TAGLN3: variants seen among roughly 807,000 people sequenced by gnomAD.
The protein encoded by TAGLN3 is transgelin-3.
A neutral mutation model predicts 25.4 loss-of-function variants in TAGLN3; 12 were observed. The ratio of observed to expected loss-of-function variants is 0.47; its 90% confidence interval spans 0.30 to 0.77. The LOEUF (loss-of-function observed/expected upper bound fraction) is 0.77, where lower values mean the gene tolerates loss of function less well. Ranked by LOEUF, TAGLN3 falls within the 30% of genes least tolerant of loss-of-function variation. The pLI, the probability that TAGLN3 is intolerant of heterozygous loss-of-function variation, is 0.06. For synonymous variants in TAGLN3, 96 were observed against 94.8 expected, an observed-to-expected ratio of 1.01 and a Z score of -0.08; for missense variants, 218 against 255.8, an observed-to-expected ratio of 0.85 and a Z score of 1.01.
Position 112,011,792 on chromosome 3 carries a change from C to A in TAGLN3, c.385C>A (p.Leu129Met), listed in dbSNP as rs747509782. Residue 129 changes from leucine (L) to methionine (M), a missense_variant, in exon 4 of 5, where the codon CTG (leucine) becomes ATG (methionine). Transcript: ENST00000478951. Reference protein sequence around the residue: ...GKDMAAVQRTLMALGSVAVTK... With the variant: ...GKDMAAVQRTMMALGSVAVTK... ...GGACATGGCAGCTGTGCAGAGGACC[C>A]TGATGGCTTTAGGCAGCGTTGCAGT... 1.2e-6 allele frequency: 2 copies of A among 1,613,656 alleles called. No individual in the cohort carries two copies. Among genetic ancestry groups the A allele is most frequent in the Non-Finnish European group, 1.7e-6 (2 of 1,179,748 alleles).
rs570331207 is a variant in TAGLN3 at position 112,003,806 on chromosome 3, C to T, written c.355+2860C>T. 1.7e-3 allele frequency among the ~76,000 whole-genome samples: 258 copies of T among 152,252 alleles called. 1 individual carries two copies. Among genetic ancestry groups the T allele is most frequent in the Non-Finnish European group, 1.5e-3 (101 of 68,020 alleles). ...ATCTCCCCTACTCAGTGTCTTCTCC[C>T]AAGTAGGGCTCTGCTTGCCCACAGC... On this transcript the variant is annotated intron_variant, in intron 3 of 4. Transcript: ENST00000478951.
chr3:112,000,628 C>A, intron 2 of TAGLN3, 144 bp from the exon 3 acceptor site: 2 of 823,760 alleles, frequency 2.4e-6, no homozygotes, highest in Admixed American at 2.2e-5. Flanking sequence ...CTACACAGCC[C>A]AGAGCCCGTG....
chr3:112,001,997 G>C (rs1435157441), intron 3 of TAGLN3, among the ~76,000 whole-genome samples: 1 of 152,200 alleles, frequency 6.6e-6, no homozygotes, highest in African/African-American at 2.4e-5. Context: ...GGCATTGCAT[G>C]TTTCCCTCAT....
At chr3:112,001,118 G>T (rs1186567410) in intron 3 of TAGLN3, among the ~76,000 whole-genome samples, 172 bp downstream of exon 3, 1 of 152,186 alleles carries the variant, frequency 6.6e-6, no homozygotes, top group Non-Finnish European at 1.5e-5. Flanking sequence ...TCTATTAAAA[G>T]GAGGTACCCT....
At chr3:112,007,129 T>G (rs953483214) in intron 3 of TAGLN3, among the ~76,000 whole-genome samples, 42 of 152,162 alleles carry the variant, frequency 2.8e-4, no homozygotes, top group African/African-American at 1.0e-3. Context: ...ACAGCAAAAT[T>G]GAGAGGAAGG....
chr3:112,002,545 A>C (rs750351494), intron 3 of TAGLN3, among the ~76,000 whole-genome samples: 7 of 152,030 alleles, frequency 4.6e-5, no homozygotes, highest in Non-Finnish European at 8.8e-5. Flanking sequence ...GAGGATGAAG[A>C]GGAGGTGGGG....
chr3:112,000,599 G>T, intron 2 of TAGLN3, 173 bp from the exon 3 acceptor site: 2 of 609,574 alleles, frequency 3.3e-6, no homozygotes, highest in South Asian at 2.7e-5. Context: ...GGTCTTTGGG[G>T]CTTAGTATAG....
chr3:112,009,775 T>C (rs2072955776), intron 3 of TAGLN3, among the ~76,000 whole-genome samples: 1 of 152,094 alleles, frequency 6.6e-6, no homozygotes, highest in African/African-American at 2.4e-5. Context: ...AAAATTCCAA[T>C]TTCTTCCTGT....
At chr3:112,006,480 T>A (rs1021376414) in intron 3 of TAGLN3, among the ~76,000 whole-genome samples, 1 of 152,210 alleles carries the variant, frequency 6.6e-6, no homozygotes, top group Non-Finnish European at 1.5e-5. Context: ...AGGCCAAAGT[T>A]ATTATTCAGG....
chr3:112,000,126 C>G (rs1488311120), intron 2 of TAGLN3, among the ~76,000 whole-genome samples: 1 of 152,106 alleles, frequency 6.6e-6, no homozygotes, highest in African/African-American at 2.4e-5. Flanking sequence ...ACCAAATGCT[C>G]GTGTGTGTTT....
At chr3:112,006,511 A>C (rs1267126163) in intron 3 of TAGLN3, among the ~76,000 whole-genome samples, 1 of 152,236 alleles carries the variant, frequency 6.6e-6, no homozygotes, top group Non-Finnish European at 1.5e-5. Context: ...ATGGTTTCAT[A>C]CACTACTGCT....
intron 3 of TAGLN3, among the ~76,000 whole-genome samples, chr3:112,006,428 G>A (rs900031686): frequency 6.6e-6 from 1 of 152,162 alleles, no homozygotes; most frequent in Non-Finnish European, 1.5e-5. Flanking sequence ...TCCCTTGACT[G>A]TTGCAATATT....
In TAGLN3 at chr3:112,013,656, C is replaced by T. The variant is rs754421951; in HGVS notation, c.*105C>T. The T allele has an allele frequency of 2.0e-6, 3 of 1,532,148 alleles. No individual in the cohort carries two copies. The highest frequency in any genetic ancestry group is 2.4e-5 in the South Asian group (2 of 84,350). 94.9% of individuals were successfully genotyped at this position (1,532,148 alleles called of 1,614,324 possible). A position where few individuals can be genotyped will look rare whatever the true frequency, so the allele number is the denominator to read the frequency against. ...TCTGACCTTCTCCTCTTTCTCAAAG[C>T]CTTCTGTCCCTGGTTTTTGCAAGTG... On this transcript the variant is annotated 3_prime_UTR_variant, in exon 5 of 5. Transcript: ENST00000478951.
intron 1 of TAGLN3, 22 bp from the exon 2 acceptor site, chr3:111,999,399 G>A (rs775834731): frequency 2.3e-5 from 37 of 1,610,106 alleles, no homozygotes; most frequent in Non-Finnish European, 4.2e-6. Context: ...TGGATGCCGC[G>A]CGTGTCTTCT....
At chr3:112,006,204 A>G (rs1361842000) in intron 3 of TAGLN3, among the ~76,000 whole-genome samples, 2 of 152,162 alleles carry the variant, frequency 1.3e-5, no homozygotes, top group Non-Finnish European at 2.9e-5. Flanking sequence ...GTTAAAGCAC[A>G]GACTGCTAAG....
At chr3:112,007,998 T>G (rs1392956539) in intron 3 of TAGLN3, among the ~76,000 whole-genome samples, 1 of 152,142 alleles carries the variant, frequency 6.6e-6, no homozygotes, top group East Asian at 1.9e-4. Flanking sequence ...TGAAGATCAG[T>G]TTAGCTTGCA....
intron 3 of TAGLN3, among the ~76,000 whole-genome samples, chr3:112,007,440 T>C (rs977040663): frequency 1.3e-5 from 2 of 152,228 alleles, no homozygotes; most frequent in African/African-American, 2.4e-5. Context: ...CTGATCTTTT[T>C]ACTGTCTCAA....
intron 3 of TAGLN3, among the ~76,000 whole-genome samples, chr3:112,003,350 C>T (rs1479717355): frequency 6.6e-6 from 1 of 152,042 alleles, no homozygotes; most frequent in Non-Finnish European, 1.5e-5. Context: ...AAGTGGGTCG[C>T]TTTGAGCAGA....
chr3:112,000,825 C>A lies in TAGLN3; in HGVS notation c.234C>A (p.Pro78=). The A allele has an allele frequency of 6.2e-7, 1 of 1,614,182 alleles. No individual in the cohort carries two copies. Among genetic ancestry groups the A allele is most frequent in the Non-Finnish European group, 8.5e-7 (1 of 1,180,028 alleles). ...ACCCACCAGGACAAGAGCCCATACC[C>A]AAGATCTCAGAGTCAAAGATGGCTT... ...SLYPPGQEPI[P]KISESKMAFK... Residue 78 remains proline, a synonymous_variant, in exon 3 of 5, where the codon CCC becomes CCA. Transcript: ENST00000478951.
Sources: gnomAD v4.1 joint callset for allele counts (sites outside exome capture counted in the v4.1 genomes callset) on GRCh38, gnomAD v4.1.1 for gene constraint, MANE v1.5 for transcripts, NCBI Gene and HGNC (gene_info 2026-07-23, HGNC 2026-07-21) for gene names.